Variants in IPO11 observed in about 807,000 individuals in gnomAD.
The protein encoded by IPO11 is importin-11.
Under a neutral mutation model 143.2 loss-of-function variants are expected in IPO11, and 66 were observed. The observed-to-expected ratio is 0.46, with a 90% CI of 0.38 to 0.57. The LOEUF is 0.57. Ranked by LOEUF, IPO11 falls within the 20% of genes least tolerant of loss-of-function variation. The pLI is 0.00. For synonymous variants in IPO11, 385 were observed against 377.8 expected (o/e 1.02, Z -0.22); for missense variants, 1,026 against 1,141.0 (o/e 0.90, Z 1.45).
intron 22 of IPO11, among the ~76,000 whole-genome samples, chr5:62,536,112 A>C (rs1742724938): frequency 6.6e-6 from 1 of 152,134 alleles, no homozygotes; most frequent in Non-Finnish European, 1.5e-5. Context: ...ATTTTTTTGG[A>C]GTGTGATCAG....
At chr5:62,496,151 G>A (rs1741143125) in intron 16 of IPO11, among the ~76,000 whole-genome samples, 1 of 152,078 alleles carries the variant, frequency 6.6e-6, no homozygotes, top group South Asian at 2.1e-4. Context: ...AGCTGGGCAT[G>A]GTGGCATGCG....
chr5:62,454,822 G>A (rs1203758467), intron 5 of IPO11, among the ~76,000 whole-genome samples: 1 of 152,150 alleles, frequency 6.6e-6, no homozygotes, highest in African/African-American at 2.4e-5. Flanking sequence ...CTCAATAACT[G>A]TTAAGTGAAT....
chr5:62,613,298 CTTTTTTTTT>C (rs372608086), intron 29 of IPO11, among the ~76,000 whole-genome samples: 4 of 69,086 alleles, frequency 5.8e-5, no homozygotes, highest in South Asian at 6.9e-4. Flanking sequence ...ACATGCTCTT[CTTTTTTTTT>C]TTTTTTTTTT....
chr5:62,487,161 T>A (rs919883203), intron 12 of IPO11, among the ~76,000 whole-genome samples: 6 of 152,244 alleles, frequency 3.9e-5, no homozygotes, highest in Non-Finnish European at 8.8e-5. Context: ...ATCATTTTTT[T>A]AAATGTAGCT....
At chr5:62,550,516 T>C in intron 25 of IPO11, 54 bp downstream of exon 25, 1 of 1,163,952 alleles carries the variant, frequency 8.6e-7, no homozygotes, top group African/African-American at 1.5e-5. Context: ...GATTCTAGTT[T>C]TAATTACTCT....
intron 29 of IPO11, among the ~76,000 whole-genome samples, chr5:62,613,529 C>T (rs1161954968): frequency 6.6e-6 from 1 of 151,872 alleles, no homozygotes; most frequent in African/African-American, 2.4e-5. Flanking sequence ...TCTTGAACTC[C>T]CAAGCTCAGG....
intron 9 of IPO11, among the ~76,000 whole-genome samples, chr5:62,481,150 T>C (rs543053691): frequency 1.3e-5 from 2 of 151,978 alleles, no homozygotes; most frequent in African/African-American, 4.8e-5. Context: ...GATCTCCTGA[T>C]CTTGTGATCC....
intron 7 of IPO11, 112 bp from the exon 8 acceptor site, chr5:62,474,304 C>G: frequency 1.6e-6 from 1 of 614,994 alleles, no homozygotes; most frequent in Non-Finnish European, 2.7e-6. Context: ...TATTTTTCTT[C>G]GGCTAATTTT....
intron 1 of IPO11, among the ~76,000 whole-genome samples, chr5:62,420,386 T>G (rs938069372): frequency 4.6e-5 from 7 of 151,984 alleles, no homozygotes; most frequent in Non-Finnish European, 8.8e-5. Flanking sequence ...CTGTACCTAA[T>G]TGTATGTGCT....
At chr5:62,520,798 G>C (rs1742178304) in intron 20 of IPO11, among the ~76,000 whole-genome samples, 1 of 152,196 alleles carries the variant, frequency 6.6e-6, no homozygotes, top group East Asian at 1.9e-4. Flanking sequence ...ACTGTGAATA[G>C]AGCCACAATA....
chr5:62,420,887 T>A (rs557033994), intron 1 of IPO11, among the ~76,000 whole-genome samples: 1 of 152,382 alleles, frequency 6.6e-6, no homozygotes, highest in South Asian at 2.1e-4. Context: ...ATGTGGTGTG[T>A]GACCCTCTGT....
At chr5:62,509,796 T>C (rs553041520) in intron 19 of IPO11, among the ~76,000 whole-genome samples, 130 of 152,364 alleles carry the variant, frequency 8.5e-4, no homozygotes, top group African/African-American at 2.9e-3. Flanking sequence ...ATTCATCTGT[T>C]GATGGATATT....
At position 62,485,538 on chromosome 5, in the gene IPO11, T is replaced by C. The variant is rs567730505; in HGVS notation, c.1218+76T>C. On this transcript the variant is annotated intron_variant, in intron 12 of 29. Transcript: ENST00000325324. Reference sequence around the variant, plus strand: ...AAGCTCTTAGTAGAGAATGACACTCTATTAAAGATTCCAGACATTTGCTGG... The same window carrying C: ...AAGCTCTTAGTAGAGAATGACACTCCATTAAAGATTCCAGACATTTGCTGG... 45 of 1,157,838 alleles carry C rather than the reference T, an allele frequency of 3.9e-5. 1 individual carries two copies. The South Asian group carries it at 5.4e-4, about 14-fold the overall frequency. The allele number at this position is 1,157,838 out of a possible 1,614,324, so 71.7% of individuals were successfully genotyped here.
chr5:62,530,711 T>C lies in IPO11; in HGVS notation c.2015T>C (p.Leu672Ser). The stretch of plus-strand genomic sequence containing the variant: ...AATCATCTGTTTTTCCTTCCTAGGT[T>C]AGTAACTTTGGAAAACAGTCCATGT... ...YLLEDGLELW[L>S]VTLENSPCIT... The change falls in exon 22 of 30, where the codon TTA becomes TCA. Residue 672 changes from leucine to serine, a missense_variant and splice_region_variant. By Grantham distance (145) the Leu-to-Ser change is moderately radical. Around this residue, in one of 5 missense-constraint regions of IPO11, gnomAD observed 351 missense variants for 358.9 expected, o/e 0.98. Coordinates refer to ENST00000325324, the MANE Select transcript of IPO11 (RefSeq NM_016338.5). 6.2e-7 allele frequency: 1 copy of C among 1,609,456 alleles called. No homozygotes were observed. The highest frequency in any genetic ancestry group is 8.5e-7 in the Non-Finnish European group (1 of 1,176,162).
intron 20 of IPO11, among the ~76,000 whole-genome samples, chr5:62,525,399 C>G (rs140476756): frequency 2.3e-4 from 35 of 149,098 alleles, no homozygotes; most frequent in Non-Finnish European, 4.0e-4. Flanking sequence ...GTGAGGAGGT[C>G]GACAGATTCT....
chr5:62,525,011 C>G (rs1397541773), intron 20 of IPO11, among the ~76,000 whole-genome samples: 2 of 152,158 alleles, frequency 1.3e-5, no homozygotes, highest in South Asian at 2.1e-4. Flanking sequence ...ATCAACCTCC[C>G]TAACAGTAAT....
rs139493107 is a variant in IPO11 at position 62,549,815 on chromosome 5, ACAAT to A, written c.2251-547_2251-544del. ...ATTTTTAGTCAAGTTTTCACATGTA[ACAAT>A]CAATACTCATGACTGATCTGTATAA... is the stretch of plus-strand genomic sequence containing the variant. On this transcript the variant is annotated intron_variant, in intron 24 of 29. Transcript: ENST00000325324. Among the ~76,000 whole-genome samples, 791 of 152,356 alleles carry A rather than the reference ACAAT, an allele frequency of 5.2e-3. 1 individual carries two copies. The highest frequency in any genetic ancestry group is 8.2e-3 in the Admixed American group (125 of 15,302).
intron 2 of IPO11, among the ~76,000 whole-genome samples, chr5:62,441,908 C>T (rs7706497): frequency 0.018 from 2,702 of 151,544 alleles, 76 homozygotes; most frequent in African/African-American, 0.061. Flanking sequence ...CACAGTGGCG[C>T]GATCTCGGCT....
chr5:62,579,436 G>T (rs1241827886), intron 27 of IPO11: 19 of 1,550,508 alleles, frequency 1.2e-5, no homozygotes, highest in Non-Finnish European at 1.6e-5. Context: ...CAAGAACAGG[G>T]ATATGTGTGG....
Sources: allele counts gnomAD v4.1 joint callset (sites outside exome capture counted in the v4.1 genomes callset), GRCh38; gene constraint gnomAD v4.1.1; regional missense constraint gnomAD v4.1.1; transcripts MANE v1.5; gene names NCBI Gene and HGNC (gene_info 2026-07-23, HGNC 2026-07-21).